SPOCK3: variants seen among roughly 807,000 people sequenced by gnomAD.
SPOCK3 encodes the protein testican-3.
SPOCK3 carries 30 observed loss-of-function variants against 56.6 expected under a neutral mutation model. The ratio of observed to expected loss-of-function variants is 0.53; its 90% CI spans 0.40 to 0.72. SPOCK3 has a LOEUF of 0.72. SPOCK3 is among the 30% of genes least tolerant of loss of function. The pLI is 0.00. For missense variants in SPOCK3, 527 were observed against 530.0 expected (o/e 0.99, Z 0.06); for synonymous variants, 196 against 183.3 (o/e 1.07, Z -0.56).
chr4:167,167,833 G>A (rs1380214537), intron 2 of SPOCK3, among the ~76,000 whole-genome samples: 1 of 152,126 alleles, frequency 6.6e-6, no homozygotes, highest in Non-Finnish European at 1.5e-5. Context: ...ACATATGTAT[G>A]AATAGTAGTG....
intron 2 of SPOCK3, among the ~76,000 whole-genome samples, chr4:167,190,690 C>A (rs769399661): frequency 6.9e-6 from 1 of 145,780 alleles, no homozygotes; most frequent in Admixed American, 7.0e-5. Flanking sequence ...ATTGCCAAAA[C>A]AAATGTCAAG....
chr4:166,843,632 T>C (rs904824714), intron 6 of SPOCK3, among the ~76,000 whole-genome samples: 7 of 152,162 alleles, frequency 4.6e-5, no homozygotes, highest in African/African-American at 1.7e-4. Context: ...CACACGACCC[T>C]AGCCCTGGCC....
intron 4 of SPOCK3, among the ~76,000 whole-genome samples, chr4:166,924,081 A>C (rs1738794559): frequency 6.6e-6 from 1 of 152,198 alleles, no homozygotes; most frequent in Non-Finnish European, 1.5e-5. Flanking sequence ...GTGACATCCA[A>C]GGTTGACATT....
At chr4:167,187,857 G>A (rs1349853910) in intron 2 of SPOCK3, among the ~76,000 whole-genome samples, 3 of 152,110 alleles carry the variant, frequency 2.0e-5, no homozygotes, top group Admixed American at 6.6e-5. Context: ...AAGCCATGAA[G>A]GACACTTTAT....
intron 2 of SPOCK3, among the ~76,000 whole-genome samples, chr4:167,075,995 A>G (rs538688168): frequency 1.3e-4 from 20 of 152,136 alleles, no homozygotes; most frequent in Middle Eastern, 6.8e-3. Context: ...CCATTAAAAT[A>G]CATTGAGGGA....
intron 3 of SPOCK3, among the ~76,000 whole-genome samples, chr4:167,055,349 G>A (rs533217324): frequency 7.2e-5 from 11 of 152,202 alleles, no homozygotes; most frequent in Non-Finnish European, 8.8e-5. Flanking sequence ...GAACAGCTCC[G>A]GTCTACAGCT....
chr4:166,841,418 T>C (rs1406419718), intron 6 of SPOCK3, among the ~76,000 whole-genome samples: 1 of 152,156 alleles, frequency 6.6e-6, no homozygotes, highest in African/African-American at 2.4e-5. Flanking sequence ...TTTACAATAA[T>C]TTTTAAAAAA....
Position 166,860,325 on chromosome 4 carries a change from T to C in SPOCK3, c.589+28805A>G, listed in dbSNP as rs546620326. 3.2e-3 allele frequency among the ~76,000 whole-genome samples: 487 copies of C among 152,200 alleles called. 1 individual carries two copies. Among genetic ancestry groups the C allele is most frequent in the African/African-American group, 0.011 (466 of 41,544 alleles). On this transcript the variant is annotated intron_variant, in intron 6 of 10. Coordinates refer to ENST00000357545, the MANE Select transcript of SPOCK3 (RefSeq NM_001040159.2). ...CCTCTTACCTGGGGTAGAGACATTT[T>C]AAGTATAATTATTCAGGAAAATTTT...
At chr4:167,060,413 G>A (rs1755464100) in intron 3 of SPOCK3, among the ~76,000 whole-genome samples, 1 of 151,934 alleles carries the variant, frequency 6.6e-6, no homozygotes, top group Non-Finnish European at 1.5e-5. Context: ...CTATGTAGAT[G>A]ATGGACACTA....
intron 4 of SPOCK3, among the ~76,000 whole-genome samples, chr4:166,939,736 C>G (rs114021938): frequency 6.6e-6 from 1 of 152,102 alleles, no homozygotes; most frequent in Non-Finnish European, 1.5e-5. Context: ...TAAAATAGTT[C>G]GAAACCAGAG....
intron 2 of SPOCK3, among the ~76,000 whole-genome samples, chr4:167,219,113 T>C (rs1398868612): frequency 1.3e-5 from 2 of 152,194 alleles, no homozygotes; most frequent in African/African-American, 4.8e-5. Flanking sequence ...TAGAAAAGTT[T>C]TGCCTCAGGG....
At chr4:166,995,785 C>A (rs1748304064) in intron 4 of SPOCK3, among the ~76,000 whole-genome samples, 2 of 152,014 alleles carry the variant, frequency 1.3e-5, no homozygotes, top group East Asian at 3.9e-4. Flanking sequence ...GGATTTAATT[C>A]TCTCTGAAGA....
At position 166,931,415 on chromosome 4, in the gene SPOCK3, TA is replaced by T. The variant is rs202240788; in HGVS notation, c.351-18673del. Among the ~76,000 whole-genome samples the T allele has an allele frequency of 7.3e-4, 111 of 152,232 alleles. 2 individuals carry two copies. In the East Asian group the frequency reaches 0.014, roughly 19 times the overall value. ...CTTTAAAACAATCCACTGGTGCACATAAAAAAACAAACTATATCACATTAGT... is the reference window on the plus strand; with the variant it reads ...CTTTAAAACAATCCACTGGTGCACATAAAAAACAAACTATATCACATTAGT... On this transcript the variant is annotated intron_variant, in intron 4 of 10. Coordinates refer to ENST00000357545, the MANE Select transcript of SPOCK3 (RefSeq NM_001040159.2).
At chr4:166,835,920 C>T (rs1394168056) in intron 6 of SPOCK3, among the ~76,000 whole-genome samples, 1 of 152,048 alleles carries the variant, frequency 6.6e-6, no homozygotes, top group African/African-American at 2.4e-5. Flanking sequence ...GCAGGAGAAT[C>T]GCTTGAACCT....
intron 2 of SPOCK3, among the ~76,000 whole-genome samples, chr4:167,175,571 A>T (rs1238712360): frequency 1.3e-5 from 2 of 152,152 alleles, no homozygotes; most frequent in Non-Finnish European, 2.9e-5. Context: ...AATTCATTAG[A>T]GTGGGCCTAT....
intron 2 of SPOCK3, among the ~76,000 whole-genome samples, chr4:167,096,177 T>C (rs1047958650): frequency 6.6e-6 from 1 of 151,948 alleles, no homozygotes; most frequent in Non-Finnish European, 1.5e-5. Flanking sequence ...AGATGCCAAT[T>C]ATTGTCATTT....
intron 3 of SPOCK3, among the ~76,000 whole-genome samples, chr4:167,034,290 A>G (rs1158987034): frequency 6.6e-6 from 1 of 151,958 alleles, no homozygotes; most frequent in East Asian, 1.9e-4. Context: ...TAGAAATTAG[A>G]GATAAAATTT....
intron 2 of SPOCK3, among the ~76,000 whole-genome samples, chr4:167,089,009 T>C (rs1337205950): frequency 6.6e-6 from 1 of 152,168 alleles, no homozygotes; most frequent in Non-Finnish European, 1.5e-5. Flanking sequence ...TTATGTTCAA[T>C]AATTCATCAA....
intron 6 of SPOCK3, among the ~76,000 whole-genome samples, chr4:166,865,167 C>G (rs1220418420): frequency 6.6e-6 from 1 of 152,116 alleles, no homozygotes; most frequent in Admixed American, 6.6e-5. Context: ...ATAAACAGAA[C>G]CAATGACAAA....
Sources: allele counts gnomAD v4.1 joint callset (sites outside exome capture counted in the v4.1 genomes callset), GRCh38; gene constraint gnomAD v4.1.1; transcripts MANE v1.5; gene names NCBI Gene and HGNC (gene_info 2026-07-23, HGNC 2026-07-21).